The following PRSS12 variants were observed in gnomAD, a reference collection of about 807,000 sequenced individuals.
PRSS12 encodes the protein neurotrypsin.
Under a neutral mutation model 104.4 loss-of-function variants are expected in PRSS12, and 85 were observed. The ratio of observed to expected loss-of-function variants is 0.81; its 90% CI spans 0.68 to 0.98. The LOEUF (loss-of-function observed/expected upper bound fraction) is 0.98, where lower values mean the gene tolerates loss of function less well. Ranked by LOEUF, PRSS12 falls within the 50% of genes least tolerant of loss-of-function variation. PRSS12 has a pLI of 0.00. For missense variants in PRSS12, 1,141 were observed against 1,139.2 expected (o/e 1.00, Z -0.02); for synonymous variants, 454 against 425.2 (o/e 1.07, Z -0.83).
chr4:118,316,359 C>G, intron 5 of PRSS12, 36 bp from the exon 6 acceptor site: 1 of 1,613,096 alleles, frequency 6.2e-7, no homozygotes, highest in South Asian at 1.1e-5. Context: ...CTAAGCAAAT[C>G]AACTTTCAAA....
intron 6 of PRSS12, among the ~76,000 whole-genome samples, chr4:118,315,811 C>G (rs1391026509): frequency 1.3e-5 from 2 of 152,184 alleles, no homozygotes; most frequent in Non-Finnish European, 2.9e-5. Flanking sequence ...GCATTTGACA[C>G]TAGACTTCTC....
intron 4 of PRSS12, among the ~76,000 whole-genome samples, chr4:118,319,386 T>C (rs1051526302): frequency 1.3e-5 from 2 of 151,980 alleles, no homozygotes; most frequent in African/African-American, 4.8e-5. Context: ...TGACCAGTGA[T>C]ATTTAGGTGG....
intron 7 of PRSS12, among the ~76,000 whole-genome samples, chr4:118,310,938 A>C (rs1375761433): frequency 6.6e-6 from 1 of 151,964 alleles, no homozygotes; most frequent in African/African-American, 2.4e-5. Context: ...GTAATCCCAG[A>C]TACTTGGGAG....
In PRSS12 at chr4:118,308,490, T is replaced by C. The variant is rs368871520; in HGVS notation, c.1577A>G (p.Asp526Gly). The C allele has an allele frequency of 1.9e-6, 3 of 1,613,988 alleles. No homozygotes were observed. The highest frequency in any genetic ancestry group is 2.5e-6 in the Non-Finnish European group (3 of 1,179,992). Residue 526 changes from aspartate to glycine, a missense_variant, in exon 8 of 13, where the codon GAT (aspartate) becomes GGT (glycine). By Grantham distance (94) the Asp-to-Gly change is moderately conservative. Coordinates refer to ENST00000296498, the MANE Select transcript of PRSS12 (RefSeq NM_003619.4). ...FINGQWGTIC[D>G]DGWTDKDAAV... is the part of the protein sequence containing the mutation. Reference sequence around the variant, plus strand: ...TGCATCCTTATCAGTCCATCCATCATCACAGATTGTTCCCCACTGGCCATT... The same window carrying C: ...TGCATCCTTATCAGTCCATCCATCACCACAGATTGTTCCCCACTGGCCATT...
In PRSS12 at chr4:118,338,168, ACACTCACCC is replaced by A. The variant is rs759694859; in HGVS notation, c.640_641+7del. The A allele has an allele frequency of 6.2e-6, 10 of 1,613,916 alleles. No individual in the cohort carries two copies. The African/African-American group carries it at 1.2e-4, about 19-fold the overall frequency. ...CTGACTGATTTGGTCAGGGATGGGT[ACACTCACCC>A]CAGCTGCAGCTGGTGACAAATGACT... On this transcript the variant is annotated splice_donor_variant and splice_donor_5th_base_variant and coding_sequence_variant and intron_variant, in exon 2 of 13. Coordinates refer to ENST00000296498, the MANE Select transcript of PRSS12 (RefSeq NM_003619.4). LOFTEE classifies it high-confidence loss of function.
chr4:118,313,960 A>G (rs1400201180), intron 6 of PRSS12, among the ~76,000 whole-genome samples: 2 of 152,322 alleles, frequency 1.3e-5, no homozygotes, highest in East Asian at 3.9e-4. Flanking sequence ...ATGTTTATCA[A>G]TTATATTTGT....
At chr4:118,288,289 CA>C (rs1416684289) in intron 11 of PRSS12, among the ~76,000 whole-genome samples, 2 of 152,186 alleles carry the variant, frequency 1.3e-5, no homozygotes, top group Non-Finnish European at 2.9e-5. Context: ...TACACATACA[CA>C]AATACTATGT....
intron 1 of PRSS12, among the ~76,000 whole-genome samples, chr4:118,349,724 C>T (rs1183398878): frequency 6.6e-6 from 1 of 152,074 alleles, no homozygotes; most frequent in African/African-American, 2.4e-5. Flanking sequence ...GAAATGAGGC[C>T]GGGAGCGGTG....
chr4:118,295,817 C>G lies in PRSS12; in HGVS notation c.1877G>C (p.Arg626Pro). Residue 626 changes from arginine to proline, a missense_variant, in exon 10 of 13, where the codon CGT becomes CCT. Physicochemically the swap from Arg to Pro is moderately radical, Grantham distance 103. Transcript: ENST00000296498. Reference protein sequence around the residue: ...SSVCGLRLLHRRQKRIIGGKN... With the variant: ...SSVCGLRLLHPRQKRIIGGKN... ...CCCACCAATGATCCGCTTCTGCCGA[C>G]GGTGCAGTAATCTCAAGCCACAAAC... 6.2e-7 allele frequency: 1 copy of G among 1,614,034 alleles called. No individual in the cohort carries two copies. Among genetic ancestry groups the G allele is most frequent in the Non-Finnish European group, 8.5e-7 (1 of 1,179,974 alleles).
intron 4 of PRSS12, among the ~76,000 whole-genome samples, chr4:118,322,594 T>A (rs1723664144): frequency 6.7e-6 from 1 of 149,602 alleles, no homozygotes; most frequent in Admixed American, 6.6e-5. Context: ...GGGAACAGTT[T>A]AACACTCACA....
At chr4:118,294,515 A>G (rs1233941479) in intron 11 of PRSS12, among the ~76,000 whole-genome samples, 2 of 152,230 alleles carry the variant, frequency 1.3e-5, no homozygotes, top group Non-Finnish European at 2.9e-5. Flanking sequence ...AGAATGAAAC[A>G]TATGCAACCT....
chr4:118,314,927 G>A (rs1268670185), intron 6 of PRSS12, among the ~76,000 whole-genome samples: 1 of 152,046 alleles, frequency 6.6e-6, no homozygotes, highest in Non-Finnish European at 1.5e-5. Context: ...ACAGAGTATA[G>A]TTGGCAGTCT....
rs1724045293 is a variant in PRSS12, at chr4:118,335,600, G to A, written c.693C>T (p.Pro231=). 6.2e-7 allele frequency: 1 copy of A among 1,613,834 alleles called. No homozygotes were observed. The highest frequency in any genetic ancestry group is 1.7e-5 in the Admixed American group (1 of 59,974). ...QTPFSGLGLI[P]IYWSNVRCRG... ...GGCAACGGACATTGCTCCAATAAAT[G>A]GGAATAAGGCCCAGTCCAGAAAACG... Residue 231 remains proline (P), a synonymous_variant, in exon 3 of 13, where the codon CCC becomes CCT. Transcript: ENST00000296498.
intron 8 of PRSS12, 93 bp from the exon 9 acceptor site, chr4:118,299,031 T>C: frequency 7.2e-7 from 1 of 1,382,132 alleles, no homozygotes; most frequent in Non-Finnish European, 1.0e-6. Context: ...CCTTAATTTT[T>C]ACATATTAAA....
intron 1 of PRSS12, among the ~76,000 whole-genome samples, chr4:118,342,140 C>A (rs1238058028): frequency 6.6e-6 from 1 of 152,106 alleles, no homozygotes; most frequent in Non-Finnish European, 1.5e-5. Flanking sequence ...TGTGGGTGTA[C>A]ACATTTGCAC....
chr4:118,295,487 T>A (rs1743232930), intron 10 of PRSS12, among the ~76,000 whole-genome samples: 1 of 152,240 alleles, frequency 6.6e-6, no homozygotes, highest in South Asian at 2.1e-4. Context: ...CTAAATTAGA[T>A]GAATCTTTGT....
Position 118,318,376 on chromosome 4 carries a change from A to G in PRSS12, c.1150+2T>C, listed in dbSNP as rs749340057. The G allele has an allele frequency of 1.2e-6, 2 of 1,613,664 alleles. No individual in the cohort carries two copies. Among genetic ancestry groups the G allele is most frequent in the African/African-American group, 2.7e-5 (2 of 74,924 alleles). The stretch of plus-strand genomic sequence containing the variant: ...GGTACACTAATGGAGTGAAATCCTT[A>G]CCTGTTAGAGGGGTACAGGACACTC... On this transcript the variant is annotated splice_donor_variant, in intron 5 of 12. Transcript: ENST00000296498. LOFTEE classifies it high-confidence loss of function.
At chr4:118,336,955 A>G (rs921914866) in intron 2 of PRSS12, among the ~76,000 whole-genome samples, 1 of 152,228 alleles carries the variant, frequency 6.6e-6, no homozygotes, top group African/African-American at 2.4e-5. Context: ...TCCAAGCACC[A>G]TAACACTTTA....
At chr4:118,301,349 G>A (rs538151544) in intron 8 of PRSS12, among the ~76,000 whole-genome samples, 2 of 152,224 alleles carry the variant, frequency 1.3e-5, no homozygotes, top group South Asian at 4.1e-4. Flanking sequence ...CATCTCACAT[G>A]AATTAAAGTA....
Sources: gnomAD v4.1 joint callset for allele counts (sites outside exome capture counted in the v4.1 genomes callset) on GRCh38, gnomAD v4.1.1 for gene constraint, MANE v1.5 for transcripts, NCBI Gene and HGNC (gene_info 2026-07-23, HGNC 2026-07-21) for gene names.